Variants in LARP1 observed in about 807,000 individuals in gnomAD.
LARP1 encodes the protein la-related protein 1.
A neutral mutation model predicts 122.7 loss-of-function variants in LARP1; 36 were observed. That is an observed-to-expected ratio of 0.29 (90% CI 0.22 to 0.39). The LOEUF (loss-of-function observed/expected upper bound fraction) is 0.39, where lower values mean the gene tolerates loss of function less well. Ranked by LOEUF, LARP1 falls within the 10% of genes least tolerant of loss-of-function variation. The probability of loss-of-function intolerance (pLI) is 1.00; values close to 1 mark genes in which losing one functional copy is unlikely to be tolerated. For missense variants in LARP1, 1,040 were observed against 1,403.6 expected (o/e 0.74, Z 4.14); for synonymous variants, 539 against 528.7 (o/e 1.02, Z -0.27).
In LARP1 at chr5:154,726,315, G is replaced by A. The variant is rs1582216066; in HGVS notation, c.205+13185G>A. Among the ~76,000 whole-genome samples, 4 of 152,274 alleles carry A rather than the reference G, an allele frequency of 2.6e-5. No homozygotes were observed. In the Middle Eastern group the frequency reaches 0.01, roughly 388 times the overall value. On this transcript the variant is annotated intron_variant, in intron 1 of 18. Transcript: ENST00000336314. Reference sequence around the variant, plus strand: ...AAAAGTTAAAATATTTCTGAAGGAAGATAATACCATCCAGGGCCTCAGGTT... The same window carrying A: ...AAAAGTTAAAATATTTCTGAAGGAAAATAATACCATCCAGGGCCTCAGGTT...
upstream of LARP1, among the ~76,000 whole-genome samples, chr5:154,750,950 C>T (rs114521626): frequency 2.1e-3 from 316 of 152,308 alleles, 1 homozygote; most frequent in Non-Finnish European, 2.9e-3. Flanking sequence ...ACTCTAGGCA[C>T]AAGTTAGCCT....
chr5:154,728,322 T>G (rs1756353855), intron 1 of LARP1, among the ~76,000 whole-genome samples: 1 of 152,164 alleles, frequency 6.6e-6, no homozygotes, highest in African/African-American at 2.4e-5. Context: ...GTACCCACAC[T>G]CCTTTGTAGT....
Position 154,812,808 on chromosome 5 carries a change from C to T in LARP1, c.3082-1079C>T, listed in dbSNP as rs186943341. Among the ~76,000 whole-genome samples, 20 of 152,124 alleles carry T rather than the reference C, an allele frequency of 1.3e-4. No homozygotes were observed. In the East Asian group the frequency reaches 3.5e-3, roughly 27 times the overall value. On this transcript the variant is annotated intron_variant, in intron 18 of 18. Transcript: ENST00000518297. ...CTGGGAGTACAGGCATGAGCCACCGCGCCCGGCCCAAAAGCCCCTTATAAG... is the reference window on the plus strand; with the variant it reads ...CTGGGAGTACAGGCATGAGCCACCGTGCCCGGCCCAAAAGCCCCTTATAAG...
At chr5:154,718,170 C>T (rs1004141400) in intron 1 of LARP1, among the ~76,000 whole-genome samples, 1 of 152,130 alleles carries the variant, frequency 6.6e-6, no homozygotes, top group Non-Finnish European at 1.5e-5. Flanking sequence ...GAACCTCTTG[C>T]CTCAGCCTCC....
intron 1 of LARP1, among the ~76,000 whole-genome samples, chr5:154,787,433 C>T (rs1299635221): frequency 4.6e-5 from 7 of 152,142 alleles, no homozygotes; most frequent in Non-Finnish European, 8.8e-5. Flanking sequence ...CGTGTGCACA[C>T]GTGCTCCAGT....
At position 154,813,905 on chromosome 5, in the gene LARP1, G is replaced by A; in HGVS notation, c.3100G>A (p.Gly1034Ser). 4 of 1,613,968 alleles carry A rather than the reference G, an allele frequency of 2.5e-6. No homozygotes were observed. The highest frequency in any genetic ancestry group is 3.4e-6 in the Non-Finnish European group (4 of 1,179,974). Residue 1034 changes from glycine (G) to serine (S), a missense_variant, in exon 19 of 19, where the codon GGC becomes AGC. Transcript: ENST00000518297. ...FRVDPPMGEE[G>S]NHKRHSVVAG... Reference sequence around the variant, plus strand: ...GTTGCAGCCCCCCATGGGTGAGGAGGGCAACCACAAGCGACACTCAGTGGT... The same window carrying A: ...GTTGCAGCCCCCCATGGGTGAGGAGAGCAACCACAAGCGACACTCAGTGGT...
At chr5:154,764,905 A>AC (rs1754799526) in intron 1 of LARP1, among the ~76,000 whole-genome samples, 2 of 97,346 alleles carry the variant, frequency 2.1e-5, no homozygotes, top group South Asian at 7.1e-4. Flanking sequence ...ACTCCATCAC[A>AC]AAAAAAAAAA....
chr5:154,746,892 T>C (rs1364234361), intron 1 of LARP1, among the ~76,000 whole-genome samples: 1 of 152,114 alleles, frequency 6.6e-6, no homozygotes. Context: ...CCCAGCACTT[T>C]GGGAAGCTGT....
At chr5:154,743,092 G>A (rs535436632) in intron 1 of LARP1, among the ~76,000 whole-genome samples, 1 of 152,184 alleles carries the variant, frequency 6.6e-6, no homozygotes, top group South Asian at 2.1e-4. Flanking sequence ...ATTTAACATT[G>A]CTTAACCCAA....
chr5:154,805,811 A>AG, intron 14 of LARP1, 70 bp from the exon 15 acceptor site: 1 of 1,523,548 alleles, frequency 6.6e-7, no homozygotes, highest in Non-Finnish European at 8.9e-7. Context: ...AACGGATCAG[A>AG]GGGACCCCTC....
intron 1 of LARP1, among the ~76,000 whole-genome samples, chr5:154,716,551 C>T (rs1169650409): frequency 2.0e-5 from 3 of 152,212 alleles, no homozygotes; most frequent in Non-Finnish European, 2.9e-5. Context: ...AGGGTTCAAG[C>T]GATCCTCCTG....
chr5:154,777,294 T>C (rs2113697076), intron 1 of LARP1, among the ~76,000 whole-genome samples: 1 of 151,574 alleles, frequency 6.6e-6, no homozygotes, highest in Admixed American at 6.6e-5. Flanking sequence ...GTAGATCGCC[T>C]GAGGTCAGGA....
chr5:154,726,744 G>A (rs1299170409), intron 1 of LARP1, among the ~76,000 whole-genome samples: 1 of 152,230 alleles, frequency 6.6e-6, no homozygotes, highest in Non-Finnish European at 1.5e-5. Flanking sequence ...AAAGACCTGA[G>A]ACTGGGTAAT....
rs372470493 is a variant in LARP1 at position 154,782,180 on chromosome 5, A to T, written c.437-8145A>T. ...ATAATTGTGTCTTTTTGAGATAATTAAGTAAAATCATACACAGCAACTTAG... is the reference window on the plus strand; with the variant it reads ...ATAATTGTGTCTTTTTGAGATAATTTAGTAAAATCATACACAGCAACTTAG... On this transcript the variant is annotated intron_variant, in intron 1 of 18. Coordinates refer to ENST00000518297, the MANE Select transcript of LARP1 (RefSeq NM_033551.3). Among the ~76,000 whole-genome samples, 8 of 152,350 alleles carry T rather than the reference A, an allele frequency of 5.3e-5. No homozygotes were observed. In the South Asian group the frequency reaches 1.7e-3, roughly 32 times the overall value.
At chr5:154,710,435 G>C (rs957419171), upstream of LARP1, among the ~76,000 whole-genome samples, 11 of 151,780 alleles carry the variant, frequency 7.2e-5, no homozygotes, top group Non-Finnish European at 5.9e-5. Context: ...AATATAGTGA[G>C]ACCCTATCTG....
chr5:154,778,984 G>C (rs1451116830), intron 1 of LARP1, among the ~76,000 whole-genome samples: 1 of 152,166 alleles, frequency 6.6e-6, no homozygotes, highest in Non-Finnish European at 1.5e-5. Flanking sequence ...AGAGTGTCCT[G>C]AATTGCTATT....
intron 1 of LARP1, among the ~76,000 whole-genome samples, chr5:154,728,570 C>T (rs1397848402): frequency 2.0e-5 from 3 of 152,130 alleles, no homozygotes; most frequent in African/African-American, 7.2e-5. Context: ...GCAGAGCCGA[C>T]AGCCAACACC....
At chr5:154,713,496 G>T (rs191937486) in intron 1 of LARP1, among the ~76,000 whole-genome samples, 15 of 152,334 alleles carry the variant, frequency 9.8e-5, no homozygotes, top group Admixed American at 3.9e-4. Context: ...CTAAATTGAT[G>T]CAGGTTTAGC....
At chr5:154,744,528 AT>A (rs1022307021) in intron 1 of LARP1, among the ~76,000 whole-genome samples, 11 of 151,140 alleles carry the variant, frequency 7.3e-5, no homozygotes, top group African/African-American at 2.7e-4. Context: ...ACCAAACAAA[AT>A]GTGTCTGTGG....
Sources: allele counts gnomAD v4.1 joint callset (sites outside exome capture counted in the v4.1 genomes callset), GRCh38; gene constraint gnomAD v4.1.1; transcripts MANE v1.5; gene names NCBI Gene and HGNC (gene_info 2026-07-23, HGNC 2026-07-21).